The following AK4 variants were observed in gnomAD, a reference collection of about 807,000 sequenced individuals.
The protein encoded by AK4 is adenylate kinase 4, mitochondrial.
Under a neutral mutation model 24.6 loss-of-function variants are expected in AK4, and 13 were observed. The observed-to-expected ratio is 0.53, with a 90% CI of 0.34 to 0.84. The LOEUF is 0.84. AK4 is among the 40% of genes least tolerant of loss of function. The pLI is 0.01. For synonymous variants in AK4, 88 were observed against 107.0 expected, an observed-to-expected ratio of 0.82 and a Z score of 1.10; for missense variants, 192 against 288.2, an observed-to-expected ratio of 0.67 and a Z score of 2.42.
chr1:65,180,954 G>A (rs954723329), intron 1 of AK4, among the ~76,000 whole-genome samples: 3 of 152,058 alleles, frequency 2.0e-5, no homozygotes, highest in African/African-American at 7.2e-5. Context: ...AGGGAATTGA[G>A]CTCATTTACA....
chr1:65,172,063 G>GTATATATATA (rs3051712), intron 1 of AK4, among the ~76,000 whole-genome samples: 1,064 of 65,520 alleles, frequency 0.016, 61 homozygotes, highest in Non-Finnish European at 0.026. Flanking sequence ...TCCATCTCAA[G>GTATATATATA]TATATATATA....
chr1:65,189,241 G>GT (rs1651208749), intron 1 of AK4, among the ~76,000 whole-genome samples: 1 of 149,634 alleles, frequency 6.7e-6, no homozygotes, highest in East Asian at 2.0e-4. Context: ...GGCTCTTTGT[G>GT]TTTTTTAAAA....
At chr1:65,157,049 A>T (rs1314567431) in intron 1 of AK4, among the ~76,000 whole-genome samples, 1 of 152,214 alleles carries the variant, frequency 6.6e-6, no homozygotes, top group African/African-American at 2.4e-5. Context: ...ATGAAATCTA[A>T]TGAGAAAAGT....
intron 2 of AK4, among the ~76,000 whole-genome samples, chr1:65,205,503 G>A (rs986738939): frequency 2.6e-5 from 4 of 152,152 alleles, no homozygotes; most frequent in African/African-American, 9.7e-5. Context: ...CAAAGTACTT[G>A]GATTTACAGG....
intron 2 of AK4, 21 bp from the exon 3 acceptor site, chr1:65,218,733 T>A: frequency 6.4e-7 from 1 of 1,553,772 alleles, no homozygotes; most frequent in Non-Finnish European, 8.7e-7. Flanking sequence ...GCATTTCACT[T>A]GTTTTGTTCT....
intron 1 of AK4, among the ~76,000 whole-genome samples, chr1:65,152,358 CTCTATATA>C (rs1467233023): frequency 5.6e-3 from 171 of 30,490 alleles, no homozygotes; most frequent in African/African-American, 0.012. Context: ...CTCTCTCTCT[CTCTATATA>C]TATATATATA....
At chr1:65,149,439 G>T (rs1649693765) in intron 1 of AK4, among the ~76,000 whole-genome samples, 1 of 152,174 alleles carries the variant, frequency 6.6e-6, no homozygotes, top group Non-Finnish European at 1.5e-5. Flanking sequence ...GAGAGGTAGC[G>T]GTTGTGCTGC....
chr1:65,224,480 G>A lies in AK4; in HGVS notation c.439-272G>A, dbSNP rs573964153. On this transcript the variant is annotated intron_variant, in intron 3 of 4. Transcript: ENST00000327299. ...GTTGCATGCAATTTTAGGCTGAATT[G>A]AAAGTACCATTTATCAACAGCACTG... Among the ~76,000 whole-genome samples the A allele has an allele frequency of 3.3e-5, 5 of 152,258 alleles. No individual in the cohort carries two copies. In the South Asian group the frequency reaches 8.3e-4, roughly 25 times the overall value.
rs1570153766 is a variant in AK4, at chr1:65,227,286, G to A, written c.*1109G>A. On this transcript the variant is annotated 3_prime_UTR_variant, in exon 5 of 5. Coordinates refer to ENST00000327299, the MANE Select transcript of AK4 (RefSeq NM_013410.4). ...GACCCAAACATATTATAAATATGTGGTAAAGGGAATGGAGCCTGTGGGGTT... is the reference window on the plus strand; with the variant it reads ...GACCCAAACATATTATAAATATGTGATAAAGGGAATGGAGCCTGTGGGGTT... The A allele has an allele frequency of 1.4e-5, 2 of 146,666 alleles. No homozygotes were observed. The highest frequency in any genetic ancestry group is 4.5e-4 in the South Asian group (2 of 4,396). 9.1% of individuals were successfully genotyped at this position (146,666 alleles called of 1,614,324 possible). A position where few individuals can be genotyped will look rare whatever the true frequency, so the allele number is the denominator to read the frequency against.
intron 3 of AK4, among the ~76,000 whole-genome samples, chr1:65,223,272 C>T (rs1652350050): frequency 6.6e-6 from 1 of 151,968 alleles, no homozygotes; most frequent in South Asian, 2.1e-4. Context: ...TCACTGCAAC[C>T]TTTGCCCCTG....
chr1:65,191,061 AT>A (rs1158192158), intron 2 of AK4, among the ~76,000 whole-genome samples: 2 of 152,204 alleles, frequency 1.3e-5, no homozygotes, highest in Non-Finnish European at 2.9e-5. Context: ...TATTCACTAA[AT>A]TTCTGTTATT....
chr1:65,189,584 G>A (rs567940304), intron 1 of AK4, among the ~76,000 whole-genome samples: 1 of 152,154 alleles, frequency 6.6e-6, no homozygotes, highest in African/African-American at 2.4e-5. Context: ...AGCTGAGAAT[G>A]TGATTCTTAG....
intron 1 of AK4, among the ~76,000 whole-genome samples, chr1:65,172,893 C>G (rs1259842502): frequency 7.6e-6 from 1 of 130,816 alleles, no homozygotes; most frequent in Admixed American, 9.4e-5. Flanking sequence ...TACGAACTCT[C>G]GCTCTGTTGC....
chr1:65,192,881 C>T (rs1383205848), intron 2 of AK4, among the ~76,000 whole-genome samples: 1 of 152,220 alleles, frequency 6.6e-6, no homozygotes, highest in African/African-American at 2.4e-5. Context: ...CATATTCTGC[C>T]TCCTGGGCAC....
intron 2 of AK4, among the ~76,000 whole-genome samples, chr1:65,199,873 T>C (rs555248097): frequency 7.2e-5 from 11 of 152,196 alleles, no homozygotes; most frequent in Non-Finnish European, 1.5e-4. Context: ...GAGGATCAAG[T>C]TGGCACTCAA....
At position 65,229,920 on chromosome 1, in the gene AK4, G is replaced by A. The variant is rs1032304335; in HGVS notation, c.*3743G>A. Reference sequence around the variant, plus strand: ...TTACTCCCACTCCAAACAAGGCCTTGATGATAAACTAATCCTTCCTAAAAT... The same window carrying A: ...TTACTCCCACTCCAAACAAGGCCTTAATGATAAACTAATCCTTCCTAAAAT... On this transcript the variant is annotated 3_prime_UTR_variant, in exon 5 of 5. Transcript: ENST00000327299. 5 of 152,314 alleles carry A rather than the reference G, an allele frequency of 3.3e-5. No homozygotes were observed. Among genetic ancestry groups the A allele is most frequent in the African/African-American group, 1.2e-4 (5 of 41,452 alleles). The allele number at this position is 152,314 out of a possible 1,614,324, so 9.4% of individuals were successfully genotyped here. A position where few individuals can be genotyped will look rare whatever the true frequency, so the allele number is the denominator to read the frequency against.
Position 65,226,825 on chromosome 1 carries a change from TTTG to T in AK4, c.*649_*651del, listed in dbSNP as rs1652478656. 1.4e-5 allele frequency: 2 copies of T among 145,472 alleles called. No homozygotes were observed. The highest frequency in any genetic ancestry group is 5.6e-5 in the African/African-American group (2 of 35,802). The allele number at this position is 145,472 out of a possible 1,614,324, so 9.0% of individuals were successfully genotyped here. On this transcript the variant is annotated 3_prime_UTR_variant, in exon 5 of 5. Coordinates refer to ENST00000327299, the MANE Select transcript of AK4 (RefSeq NM_013410.4). ...TTTGGCTTTTTTTTTTCTTTTTTTTTTTGGACATCTGTTTTCACTCTTAGGCTT... is the reference window on the plus strand; with the variant it reads ...TTTGGCTTTTTTTTTTCTTTTTTTTTGACATCTGTTTTCACTCTTAGGCTT...
chr1:65,187,347 C>CAAA lies in AK4; in HGVS notation c.146-3344_146-3342dup, dbSNP rs150840960. Among the ~76,000 whole-genome samples the CAAA allele has an allele frequency of 2.8e-3, 186 of 66,396 alleles. 6 individuals carry two copies. The highest frequency in any genetic ancestry group is 0.01 in the Middle Eastern group (1 of 98). The allele number at this position is 66,396 out of a possible 152,430, so 43.6% of individuals were successfully genotyped here. A position where few individuals can be genotyped will look rare whatever the true frequency, so the allele number is the denominator to read the frequency against. ...TGGGTGACAGAGCGAGACTCCGTCT[C>CAAA]AAAAAAAAAAAAAAAAAAAAAGAAG... is the stretch of plus-strand genomic sequence containing the variant. On this transcript the variant is annotated intron_variant, in intron 1 of 4. Transcript: ENST00000327299.
intron 2 of AK4, among the ~76,000 whole-genome samples, chr1:65,200,969 TG>T (rs1284980643): frequency 6.6e-6 from 1 of 152,100 alleles, no homozygotes; most frequent in Non-Finnish European, 1.5e-5. Flanking sequence ...AATTTTTGTA[TG>T]TTTAGTAGAG....
Sources: gnomAD v4.1 joint callset for allele counts (sites outside exome capture counted in the v4.1 genomes callset) on GRCh38, gnomAD v4.1.1 for gene constraint, MANE v1.5 for transcripts, NCBI Gene and HGNC (gene_info 2026-07-23, HGNC 2026-07-21) for gene names.